TRAK1: variants seen among roughly 807,000 people sequenced by gnomAD.
The protein encoded by TRAK1 is trafficking kinesin-binding protein 1.
A neutral mutation model predicts 92.1 loss-of-function variants in TRAK1; 33 were observed. That is an observed-to-expected ratio of 0.36 (90% CI 0.27 to 0.48). The LOEUF is 0.48. TRAK1 is among the 20% of genes least tolerant of loss of function. The pLI, the probability that TRAK1 is intolerant of heterozygous loss-of-function variation, is 0.99. For synonymous variants in TRAK1, 521 were observed against 517.3 expected (o/e 1.01, Z -0.10); for missense variants, 1,123 against 1,257.9 (o/e 0.89, Z 1.62).
At chr3:42,041,984 GT>G (rs911064332) in intron 1 of TRAK1, among the ~76,000 whole-genome samples, 1 of 152,048 alleles carries the variant, frequency 6.6e-6, no homozygotes, top group Non-Finnish European at 1.5e-5. Context: ...TAGAGACAAG[GT>G]TTTTCCATGT....
chr3:42,146,330 G>T, intron 2 of TRAK1: 2 of 292,778 alleles, frequency 6.8e-6, no homozygotes, highest in South Asian at 5.0e-5. Context: ...CCTCAGTATT[G>T]GGATACTTTT....
intron 2 of TRAK1, among the ~76,000 whole-genome samples, chr3:42,155,108 T>G (rs1304687396): frequency 6.6e-6 from 1 of 151,482 alleles, no homozygotes; most frequent in African/African-American, 2.4e-5. Context: ...GAAATAAGAG[T>G]CAAAGAGGCA....
intron 1 of TRAK1, among the ~76,000 whole-genome samples, chr3:42,041,194 C>G (rs1038078061): frequency 5.4e-5 from 8 of 148,634 alleles, no homozygotes; most frequent in African/African-American, 7.4e-5. Context: ...ATCTGTAGAT[C>G]AATTTCAGGA....
chr3:42,188,872 G>C lies in TRAK1; in HGVS notation c.582-144G>C, dbSNP rs1337200269. 3.7e-5 allele frequency: 23 copies of C among 626,706 alleles called. No homozygotes were observed. The East Asian group carries it at 4.9e-4, about 13-fold the overall frequency. The allele number at this position is 626,706 out of a possible 1,614,324, so 38.8% of individuals were successfully genotyped here. Reference sequence around the variant, plus strand: ...AGAATTGGTGGTGAGCCTGTGCACTGGGGGCGCTGTCTTCCTGGGGTTGGG... The same window carrying C: ...AGAATTGGTGGTGAGCCTGTGCACTCGGGGCGCTGTCTTCCTGGGGTTGGG... On this transcript the variant is annotated intron_variant, in intron 5 of 15. Transcript: ENST00000327628.
rs757389071 is a variant in TRAK1 at position 42,125,662 on chromosome 3, C to G, written c.286+48C>G. ...TGTGATGGCAGTATCATGATCAGGT[C>G]TTCTTAGCCATGGCCCCAAATAAGA... On this transcript the variant is annotated intron_variant, in intron 2 of 15. Transcript: ENST00000327628. 3.8e-6 allele frequency: 6 copies of G among 1,591,248 alleles called. No homozygotes were observed. In the African/African-American group the frequency reaches 4.0e-5, roughly 11 times the overall value.
At chr3:42,199,312 T>A in intron 11 of TRAK1, 59 bp downstream of exon 11, 1 of 1,566,898 alleles carries the variant, frequency 6.4e-7, no homozygotes, top group South Asian at 1.1e-5. Context: ...ACCAGTGCAG[T>A]GTTCAAAACC....
At chr3:42,185,072 C>T (rs1230617754) in intron 4 of TRAK1, 4 of 427,180 alleles carry the variant, frequency 9.4e-6, no homozygotes, top group South Asian at 8.6e-5. Context: ...CTCACTCAGT[C>T]GTACATCTGT....
intron 2 of TRAK1, among the ~76,000 whole-genome samples, chr3:42,130,294 T>C (rs986943299): frequency 1.3e-5 from 2 of 148,656 alleles, no homozygotes; most frequent in Non-Finnish European, 3.0e-5. Context: ...ATGTAACTTT[T>C]TGGTTAAGGA....
At chr3:42,028,105 C>G (rs1239417169) in intron 1 of TRAK1, among the ~76,000 whole-genome samples, 2 of 152,180 alleles carry the variant, frequency 1.3e-5, no homozygotes, top group Non-Finnish European at 2.9e-5. Context: ...CCTGCCTTGG[C>G]CTCCCAAAGT....
chr3:42,125,292 C>T (rs1710411631), intron 1 of TRAK1, 128 bp from the exon 2 acceptor site: 3 of 784,144 alleles, frequency 3.8e-6, no homozygotes, highest in Non-Finnish European at 5.9e-6. Context: ...CCTGATATAG[C>T]CTTGTCTAGC....
intron 7 of TRAK1, among the ~76,000 whole-genome samples, chr3:42,192,094 G>A (rs1269646446): frequency 1.3e-5 from 2 of 151,824 alleles, no homozygotes; most frequent in African/African-American, 2.4e-5. Context: ...TAGAGGCAAG[G>A]TTTCACCATG....
chr3:42,130,787 G>A (rs543613576), intron 2 of TRAK1, among the ~76,000 whole-genome samples: 1 of 152,220 alleles, frequency 6.6e-6, no homozygotes, highest in South Asian at 2.1e-4. Context: ...GAACTTAAAA[G>A]TAAACAACAA....
At chr3:42,043,874 C>G (rs1702656133) in intron 1 of TRAK1, among the ~76,000 whole-genome samples, 1 of 149,054 alleles carries the variant, frequency 6.7e-6, no homozygotes, top group Non-Finnish European at 1.5e-5. Context: ...GCCTTCTATA[C>G]CTTTCAGTTG....
intron 2 of TRAK1, among the ~76,000 whole-genome samples, chr3:42,166,145 A>G (rs1444435950): frequency 1.3e-5 from 2 of 152,098 alleles, no homozygotes; most frequent in Non-Finnish European, 2.9e-5. Context: ...GGTACGATTC[A>G]TTTATTTACT....
At chr3:42,136,704 A>G (rs1350474925) in intron 2 of TRAK1, among the ~76,000 whole-genome samples, 1 of 151,814 alleles carries the variant, frequency 6.6e-6, no homozygotes, top group Non-Finnish European at 1.5e-5. Flanking sequence ...TTTTTTTGAG[A>G]TGAAGTCTGG....
chr3:42,023,676 A>G (rs1168219046), intron 1 of TRAK1, among the ~76,000 whole-genome samples: 13 of 148,290 alleles, frequency 8.8e-5, no homozygotes, highest in Non-Finnish European at 1.8e-4. Context: ...ACCATTAATC[A>G]GTTGTCCCAG....
At chr3:42,206,000 T>G (rs992033666) in intron 13 of TRAK1, among the ~76,000 whole-genome samples, 1 of 152,140 alleles carries the variant, frequency 6.6e-6, no homozygotes, top group African/African-American at 2.4e-5. Flanking sequence ...AGGTCTTGAG[T>G]TGGTAATGGG....
At chr3:42,098,129 C>T (rs1706214532) in intron 1 of TRAK1, among the ~76,000 whole-genome samples, 1 of 151,966 alleles carries the variant, frequency 6.6e-6, no homozygotes, top group Non-Finnish European at 1.5e-5. Flanking sequence ...CTTCCCCTTG[C>T]TGTCTCCTTT....
chr3:42,184,558 T>A, intron 3 of TRAK1, 127 bp from the exon 4 acceptor site: 1 of 936,194 alleles, frequency 1.1e-6, no homozygotes, highest in East Asian at 2.4e-5. Context: ...CTAACACAGA[T>A]GGTGAATTAT....
Sources: allele counts gnomAD v4.1 joint callset (sites outside exome capture counted in the v4.1 genomes callset), GRCh38; gene constraint gnomAD v4.1.1; transcripts MANE v1.5; gene names NCBI Gene and HGNC (gene_info 2026-07-23, HGNC 2026-07-21).